ALPK2: variants seen among roughly 807,000 people sequenced by gnomAD.
ALPK2 encodes alpha kinase 2.
In ALPK2, 127 loss-of-function variants were observed where a neutral mutation model predicts 163.1. That is an observed-to-expected ratio of 0.78 (90% CI 0.67 to 0.90). The LOEUF (loss-of-function observed/expected upper bound fraction) is 0.90. Among genes scored for constraint, ALPK2 ranks in the 40% least tolerant of loss-of-function variants. ALPK2 has a pLI of 0.00. For synonymous variants in ALPK2, 953 were observed against 959.1 expected (o/e 0.99, Z 0.12); for missense variants, 2,360 against 2,589.6 (o/e 0.91, Z 1.92).
At position 58,622,020 on chromosome 18, in the gene ALPK2, C is replaced by T. The variant is rs7233599; in HGVS notation, c.-21+6744G>A. Among the ~76,000 whole-genome samples the T allele has an allele frequency of 3.4e-3, 476 of 139,270 alleles. 4 individuals carry two copies. The highest frequency in any genetic ancestry group is 0.013 in the African/African-American group (452 of 35,828). 91.4% of individuals were successfully genotyped at this position (139,270 alleles called of 152,430 possible). ...GCAGTTTCCAATCTTTATGAGAGGG[C>T]TTAAAAAAAAAAAAAAAGCTCAAGG... On this transcript the variant is annotated intron_variant, in intron 1 of 12. Transcript: ENST00000361673.
At position 58,538,224 on chromosome 18, in the gene ALPK2, C is replaced by T; in HGVS notation, c.1963G>A (p.Val655Ile). The change falls in exon 5 of 13, where the codon GTA becomes ATA. Residue 655 changes from valine to isoleucine, a missense_variant and splice_region_variant. Transcript: ENST00000361673. ...TCTCTGACTGTTTCCTGAACTTGTA[C>T]CTAGGAAGATGAAAAGTGATATTAG... ...QVPDWSDPPQ[V>I]QVQETVRETI... is the part of the protein sequence containing the mutation. 1.2e-6 allele frequency: 2 copies of T among 1,606,214 alleles called. No homozygotes were observed. Among genetic ancestry groups the T allele is most frequent in the Non-Finnish European group, 1.7e-6 (2 of 1,178,696 alleles).
chr18:58,570,769 A>G (rs1362236916), intron 4 of ALPK2, among the ~76,000 whole-genome samples: 1 of 152,234 alleles, frequency 6.6e-6, no homozygotes, highest in East Asian at 1.9e-4. Context: ...TTCTTTCCAA[A>G]TAGCACATAA....
At chr18:58,623,650 G>T (rs1033077464) in intron 1 of ALPK2, among the ~76,000 whole-genome samples, 3 of 152,160 alleles carry the variant, frequency 2.0e-5, no homozygotes, top group African/African-American at 4.8e-5. Flanking sequence ...ATTTTTAGTA[G>T]AGACAGAGTT....
In ALPK2 at chr18:58,504,049, C is replaced by G. The variant is rs1253702256; in HGVS notation, c.6129G>C (p.Arg2043Ser). 1.9e-6 allele frequency: 3 copies of G among 1,614,060 alleles called. No homozygotes were observed. The South Asian group carries it at 3.3e-5, about 18-fold the overall frequency. ...LIGEFVKYSI[R>S]DGKEINFLRR... ...TCAAGAAGTTTATTTCTTTCCCATC[C>G]CTGATGGAATACTTCACAAATTCTC... The change falls in exon 11 of 13, where the codon AGG becomes AGC. Residue 2043 changes from arginine (R) to serine (S), a missense_variant. Coordinates refer to ENST00000361673, the MANE Select transcript of ALPK2 (RefSeq NM_052947.4).
In ALPK2 at chr18:58,536,670, C is replaced by T. The variant is rs745721563; in HGVS notation, c.3517G>A (p.Ala1173Thr). Reference protein sequence around the residue: ...AQEERNLVPTAHSPASSREGA... With the variant: ...AQEERNLVPTTHSPASSREGA... Reference sequence around the variant, plus strand: ...TCCCTAGAGCTTGCGGGTGAGTGGGCCGTGGGCACCAAGTTTCTTTCCTCT... The same window carrying T: ...TCCCTAGAGCTTGCGGGTGAGTGGGTCGTGGGCACCAAGTTTCTTTCCTCT... The change falls in exon 5 of 13, where the codon GCC (alanine) becomes ACC (threonine). Residue 1173 changes from alanine (A) to threonine (T), a missense_variant. Coordinates refer to ENST00000361673, the MANE Select transcript of ALPK2 (RefSeq NM_052947.4). The T allele has an allele frequency of 6.2e-7, 1 of 1,614,160 alleles. No individual in the cohort carries two copies. The highest frequency in any genetic ancestry group is 8.5e-7 in the Non-Finnish European group (1 of 1,180,028).
intron 2 of ALPK2, 62 bp downstream of exon 2, chr18:58,611,627 G>C (rs2052131845): frequency 1.0e-5 from 15 of 1,452,520 alleles, no homozygotes; most frequent in Non-Finnish European, 1.4e-5. Flanking sequence ...GCCTTTGTGA[G>C]CCAAGAAACC....
At position 58,536,871 on chromosome 18, in the gene ALPK2, G is replaced by C. The variant is rs1437802132; in HGVS notation, c.3316C>G (p.Leu1106Val). The change falls in exon 5 of 13, where the codon CTG (leucine) becomes GTG (valine). Residue 1106 changes from leucine (L) to valine (V), a missense_variant. Coordinates refer to ENST00000361673, the MANE Select transcript of ALPK2 (RefSeq NM_052947.4). The stretch of plus-strand genomic sequence containing the variant: ...ACAGTCTGGCTCTTATCTCCAGACA[G>C]GTTATCAACCTGAAGAGGGGAATTA... Reference protein sequence around the residue: ...CSNSPLQVDNLSGDKSQTVDR... With the variant: ...CSNSPLQVDNVSGDKSQTVDR... The C allele has an allele frequency of 6.2e-7, 1 of 1,614,174 alleles. No homozygotes were observed. Among genetic ancestry groups the C allele is most frequent in the Admixed American group, 1.7e-5 (1 of 60,026 alleles).
intron 10 of ALPK2, chr18:58,512,445 G>C (rs1007274280): frequency 1.3e-5 from 2 of 152,252 alleles, no homozygotes; most frequent in African/African-American, 2.4e-5. Context: ...TCATTGCCTG[G>C]AAATAAATAT....
chr18:58,500,273 C>T (rs7242261), intron 11 of ALPK2, among the ~76,000 whole-genome samples: 16,872 of 150,042 alleles, frequency 0.11, 1,182 homozygotes, highest in East Asian at 0.38. Flanking sequence ...ATTGCAAACG[C>T]TGTCTCTGGA....
intron 10 of ALPK2, among the ~76,000 whole-genome samples, chr18:58,510,892 G>C (rs559836134): frequency 7.9e-5 from 12 of 152,268 alleles, no homozygotes; most frequent in Non-Finnish European, 1.3e-4. Flanking sequence ...TCTCCTGCCT[G>C]ATTGCCCTGG....
At chr18:58,485,386 G>A (rs1461130583) in intron 12 of ALPK2, among the ~76,000 whole-genome samples, 1 of 152,112 alleles carries the variant, frequency 6.6e-6, no homozygotes, top group Admixed American at 6.5e-5. Context: ...GCTCTTAAGG[G>A]CGTGAAAGGT....
chr18:58,554,338 C>G (rs2051777787), intron 4 of ALPK2, among the ~76,000 whole-genome samples: 1 of 152,248 alleles, frequency 6.6e-6, no homozygotes, highest in African/African-American at 2.4e-5. Flanking sequence ...AAATCTGCCA[C>G]TCTTGTCTCT....
chr18:58,516,169 G>A (rs998997460), intron 9 of ALPK2, among the ~76,000 whole-genome samples: 7 of 151,784 alleles, frequency 4.6e-5, no homozygotes, highest in Non-Finnish European at 4.4e-5. Context: ...CTGTGGAGCC[G>A]TGATCATGCC....
At chr18:58,591,745 G>A (rs1179668754) in intron 3 of ALPK2, among the ~76,000 whole-genome samples, 1 of 152,200 alleles carries the variant, frequency 6.6e-6, no homozygotes. Context: ...TTTTAATTTG[G>A]AACTTGGGGA....
chr18:58,529,261 T>C (rs753242769), intron 5 of ALPK2, 23 bp from the exon 6 acceptor site: 1 of 1,600,380 alleles, frequency 6.2e-7, no homozygotes, highest in Admixed American at 1.7e-5. Flanking sequence ...TATTTGAAGG[T>C]CAGTGTAACA....
intron 4 of ALPK2, among the ~76,000 whole-genome samples, chr18:58,548,172 A>G (rs1009202961): frequency 2.0e-5 from 3 of 152,224 alleles, no homozygotes; most frequent in Admixed American, 6.5e-5. Flanking sequence ...GAATATAAAC[A>G]TAAATATTAA....
intron 3 of ALPK2, among the ~76,000 whole-genome samples, chr18:58,605,095 G>T (rs1487491807): frequency 1.3e-5 from 2 of 151,996 alleles, no homozygotes; most frequent in Non-Finnish European, 2.9e-5. Context: ...TTGCTCAGAG[G>T]AAAATAAGCA....
At chr18:58,585,395 GT>G (rs748894865) in intron 3 of ALPK2, among the ~76,000 whole-genome samples, 12 of 152,132 alleles carry the variant, frequency 7.9e-5, no homozygotes, top group Admixed American at 3.3e-4. Flanking sequence ...CATAAGAGTA[GT>G]TTTAAATTTT....
intron 12 of ALPK2, among the ~76,000 whole-genome samples, chr18:58,496,863 A>G (rs72950936): frequency 2.0e-5 from 3 of 152,282 alleles, no homozygotes; most frequent in African/African-American, 4.8e-5. Context: ...ACCAATCCAG[A>G]GCCACACCCC....
Sources: gnomAD v4.1 joint callset for allele counts (sites outside exome capture counted in the v4.1 genomes callset) on GRCh38, gnomAD v4.1.1 for gene constraint, MANE v1.5 for transcripts, NCBI Gene and HGNC (gene_info 2026-07-23, HGNC 2026-07-21) for gene names.